Variants in SORCS2 observed in about 807,000 individuals in gnomAD.
SORCS2 encodes VPS10 domain-containing receptor SorCS2.
Under a neutral mutation model 141.6 loss-of-function variants are expected in SORCS2, and 100 were observed. The observed-to-expected ratio is 0.71, with a 90% CI of 0.60 to 0.83. The LOEUF (loss-of-function observed/expected upper bound fraction) is 0.83. Ranked by LOEUF, SORCS2 falls within the 40% of genes least tolerant of loss-of-function variation. The probability of loss-of-function intolerance (pLI) is 0.00; values close to 1 mark genes in which losing one functional copy is unlikely to be tolerated. For synonymous variants in SORCS2, 789 were observed against 676.9 expected (o/e 1.17, Z -2.57); for missense variants, 1,646 against 1,560.2 (o/e 1.05, Z -0.93).
At chr4:7,462,047 T>C (rs1729346372) in intron 2 of SORCS2, among the ~76,000 whole-genome samples, 2 of 152,198 alleles carry the variant, frequency 1.3e-5, no homozygotes, top group African/African-American at 4.8e-5. Context: ...ATTGGAACTG[T>C]CAAGAGAAGC....
intron 2 of SORCS2, chr4:7,434,526 G>A (rs377475600): frequency 1.7e-4 from 278 of 1,612,970 alleles, no homozygotes; most frequent in Non-Finnish European, 1.8e-4. Flanking sequence ...GCATGCTCAG[G>A]ATGGCCGAAC....
intron 1 of SORCS2, among the ~76,000 whole-genome samples, chr4:7,393,433 C>G (rs1031582275): frequency 6.6e-6 from 1 of 152,198 alleles, no homozygotes; most frequent in African/African-American, 2.4e-5. Flanking sequence ...AGTGTTGGTT[C>G]TTTGAAACTA....
intron 3 of SORCS2, among the ~76,000 whole-genome samples, chr4:7,560,167 T>C (rs1294286490): frequency 1.3e-5 from 2 of 152,230 alleles, no homozygotes; most frequent in Non-Finnish European, 2.9e-5. Flanking sequence ...ATTACCTTTA[T>C]TGATCTGTTT....
chr4:7,625,630 C>G (rs1266558649), intron 3 of SORCS2, among the ~76,000 whole-genome samples: 1 of 151,780 alleles, frequency 6.6e-6, no homozygotes, highest in Non-Finnish European at 1.5e-5. Context: ...GGTCACTGGA[C>G]TCAAAGCACC....
chr4:7,666,593 G>T (rs896168589), intron 7 of SORCS2, among the ~76,000 whole-genome samples: 1 of 152,126 alleles, frequency 6.6e-6, no homozygotes, highest in Non-Finnish European at 1.5e-5. Flanking sequence ...CCTGTTCTGT[G>T]GCAGTGAGGA....
chr4:7,460,474 C>A (rs1235655303), intron 2 of SORCS2, among the ~76,000 whole-genome samples: 1 of 152,228 alleles, frequency 6.6e-6, no homozygotes, highest in Non-Finnish European at 1.5e-5. Flanking sequence ...TCAGTGAATT[C>A]CAACGTACCC....
At chr4:7,492,511 G>A (rs1398429212) in intron 2 of SORCS2, among the ~76,000 whole-genome samples, 2 of 152,224 alleles carry the variant, frequency 1.3e-5, no homozygotes, top group Admixed American at 6.5e-5. Flanking sequence ...GGTGAACGCA[G>A]GAGTACAGGG....
At chr4:7,532,063 T>C (rs1414772951) in intron 3 of SORCS2, among the ~76,000 whole-genome samples, 1 of 152,220 alleles carries the variant, frequency 6.6e-6, no homozygotes, top group African/African-American at 2.4e-5. Flanking sequence ...TGAGCTCTCC[T>C]TGCTGTTTCC....
At chr4:7,371,390 C>T (rs888470811) in intron 1 of SORCS2, among the ~76,000 whole-genome samples, 6 of 152,180 alleles carry the variant, frequency 3.9e-5, no homozygotes, top group Non-Finnish European at 7.4e-5. Flanking sequence ...TGGCGATGTC[C>T]GTTTCCCATT....
rs1212449865 is a variant in SORCS2, at chr4:7,718,058, C to A, written c.2299C>A (p.Gln767Lys). ...CGTGTGTGAGGGTGGGGTGGACATGCAGCAGAGTCAGGTGCAGCTGCAGTG... is the reference window on the plus strand; with the variant it reads ...CGTGTGTGAGGGTGGGGTGGACATGAAGCAGAGTCAGGTGCAGCTGCAGTG... ...SNVCEGGVDM[Q>K]QSQVQLQCPL... is the part of the protein sequence containing the mutation. The change falls in exon 18 of 27, where the codon CAG becomes AAG. Residue 767 changes from glutamine to lysine, a missense_variant. Gln to Lys is a moderately conservative substitution (Grantham distance 53). Coordinates refer to ENST00000507866, the MANE Select transcript of SORCS2 (RefSeq NM_020777.3). 1.2e-6 allele frequency: 2 copies of A among 1,610,206 alleles called. No homozygotes were observed. Among genetic ancestry groups the A allele is most frequent in the African/African-American group, 1.3e-5 (1 of 74,920 alleles).
chr4:7,639,931 ATATGTC>A lies in SORCS2; in HGVS notation c.813+1441_813+1446del, dbSNP rs1720550872. Among the ~76,000 whole-genome samples the A allele has an allele frequency of 6.5e-5, 3 of 46,082 alleles. No individual in the cohort carries two copies. In the Admixed American group the frequency reaches 8.1e-4, roughly 13 times the overall value. The allele number at this position is 46,082 out of a possible 152,430, so 30.2% of individuals were successfully genotyped here. A position where few individuals can be genotyped will look rare whatever the true frequency, so the allele number is the denominator to read the frequency against. On this transcript the variant is annotated intron_variant, in intron 4 of 26. Coordinates refer to ENST00000507866, the MANE Select transcript of SORCS2 (RefSeq NM_020777.3). ...TGTGGGTGTGTGTGTGTTTGTGAGA[ATATGTC>A]TGTGTTTGTGAGAATGAGTGTGGGT... is the stretch of plus-strand genomic sequence containing the variant.
chr4:7,703,245 G>C (rs1725196290), intron 12 of SORCS2, 35 bp from the exon 13 acceptor site: 2 of 1,565,450 alleles, frequency 1.3e-6, no homozygotes, highest in Admixed American at 3.6e-5. Flanking sequence ...GACCTTCTCA[G>C]GCCCTGCCCT....
At chr4:7,520,607 T>C (rs1475081617) in intron 2 of SORCS2, among the ~76,000 whole-genome samples, 3 of 152,128 alleles carry the variant, frequency 2.0e-5, no homozygotes, top group Non-Finnish European at 2.9e-5. Context: ...GAAGGGCTGG[T>C]TGGGAGACGC....
At chr4:7,456,995 A>T (rs1728953939) in intron 2 of SORCS2, among the ~76,000 whole-genome samples, 1 of 152,102 alleles carries the variant, frequency 6.6e-6, no homozygotes, top group South Asian at 2.1e-4. Flanking sequence ...GGTCAGGGTG[A>T]AGGCCGAGCC....
chr4:7,464,497 C>T (rs1284355747), intron 2 of SORCS2, among the ~76,000 whole-genome samples: 7 of 152,160 alleles, frequency 4.6e-5, no homozygotes, highest in Admixed American at 2.0e-4. Context: ...CACTAACTAG[C>T]TTGGACTGAG....
At chr4:7,468,936 T>A (rs568641598) in intron 2 of SORCS2, among the ~76,000 whole-genome samples, 2 of 152,340 alleles carry the variant, frequency 1.3e-5, no homozygotes, top group Non-Finnish European at 2.9e-5. Flanking sequence ...ACAAGTCACT[T>A]AACCTCTCTG....
chr4:7,722,623 A>G (rs762204259), intron 18 of SORCS2, among the ~76,000 whole-genome samples: 86 of 152,164 alleles, frequency 5.7e-4, no homozygotes, highest in Non-Finnish European at 9.9e-4. Context: ...TCTTACACAG[A>G]TGCCTGTCAC....
chr4:7,547,288 G>A (rs1713337607), intron 3 of SORCS2, among the ~76,000 whole-genome samples: 1 of 152,148 alleles, frequency 6.6e-6, no homozygotes, highest in Non-Finnish European at 1.5e-5. Flanking sequence ...TCACCAAGCT[G>A]ACTCCAGCAG....
intron 1 of SORCS2, among the ~76,000 whole-genome samples, chr4:7,338,497 G>A (rs1283065729): frequency 6.6e-6 from 1 of 152,094 alleles, no homozygotes; most frequent in Admixed American, 6.5e-5. Context: ...CATAGATGAA[G>A]AGGTCATCTG....
Sources: allele counts gnomAD v4.1 joint callset (sites outside exome capture counted in the v4.1 genomes callset), GRCh38; gene constraint gnomAD v4.1.1; transcripts MANE v1.5; gene names NCBI Gene and HGNC (gene_info 2026-07-23, HGNC 2026-07-21).